The following SLC9A9 variants were observed in gnomAD, a reference collection of about 807,000 sequenced individuals.
The protein encoded by SLC9A9 is solute carrier family 9 member A9.
SLC9A9 carries 62 observed loss-of-function variants against 77.8 expected under a neutral mutation model. That is an observed-to-expected ratio of 0.80 (90% CI 0.65 to 0.98). SLC9A9 has a LOEUF of 0.98. SLC9A9 is among the 50% of genes least tolerant of loss of function. The probability of loss-of-function intolerance (pLI) is 0.00; values close to 1 mark genes in which losing one functional copy is unlikely to be tolerated. For missense variants in SLC9A9, 775 were observed against 774.9 expected (o/e 1.00, Z 0.00); for synonymous variants, 320 against 283.5 (o/e 1.13, Z -1.29).
chr3:143,314,094 C>T (rs76101003), intron 14 of SLC9A9: 24,944 of 152,238 alleles, frequency 0.16, 2,329 homozygotes, highest in Admixed American at 0.24. Flanking sequence ...GATTTTAAGC[C>T]TCTGTCTCCC....
intron 4 of SLC9A9, among the ~76,000 whole-genome samples, chr3:143,751,605 C>T (rs949824798): frequency 3.9e-5 from 6 of 152,116 alleles, no homozygotes; most frequent in Non-Finnish European, 8.8e-5. Context: ...ACTTCCTCTG[C>T]ACCCTCCTAC....
chr3:143,514,030 G>A (rs997843593), intron 9 of SLC9A9, among the ~76,000 whole-genome samples: 2 of 151,980 alleles, frequency 1.3e-5, no homozygotes, highest in African/African-American at 4.8e-5. Flanking sequence ...GGTGTGTGAT[G>A]TTCCCCTTCC....
chr3:143,783,707 G>C (rs1314832221), intron 4 of SLC9A9, among the ~76,000 whole-genome samples: 1 of 152,092 alleles, frequency 6.6e-6, no homozygotes, highest in Non-Finnish European at 1.5e-5. Context: ...TTCAGAATAA[G>C]ATTTACTTCT....
intron 6 of SLC9A9, among the ~76,000 whole-genome samples, chr3:143,613,392 G>A (rs1216738130): frequency 6.6e-6 from 1 of 152,160 alleles, no homozygotes; most frequent in African/African-American, 2.4e-5. Context: ...TATGTTTAAA[G>A]CTCTGGCAAC....
At chr3:143,688,291 T>C (rs1303466957) in intron 5 of SLC9A9, among the ~76,000 whole-genome samples, 1 of 151,892 alleles carries the variant, frequency 6.6e-6, no homozygotes, top group Non-Finnish European at 1.5e-5. Context: ...TCCTGTGTTA[T>C]CTAAACATAA....
chr3:143,727,602 C>T (rs943544973), intron 4 of SLC9A9, among the ~76,000 whole-genome samples: 14 of 152,102 alleles, frequency 9.2e-5, no homozygotes, highest in Non-Finnish European at 1.6e-4. Context: ...CCGAGGGAAA[C>T]GGCTCCTGCC....
At chr3:143,503,603 T>C (rs2035961430) in intron 9 of SLC9A9, 3 of 443,676 alleles carry the variant, frequency 6.8e-6, no homozygotes, top group Admixed American at 2.4e-5. Context: ...AGCTTCCTGG[T>C]TCAGCTCAGG....
chr3:143,769,873 G>T (rs929798008), intron 4 of SLC9A9, among the ~76,000 whole-genome samples: 1 of 152,102 alleles, frequency 6.6e-6, no homozygotes, highest in African/African-American at 2.4e-5. Context: ...ATAGGCCAAG[G>T]GTTGTGTGGA....
intron 2 of SLC9A9, among the ~76,000 whole-genome samples, chr3:143,803,990 A>C (rs1362391083): frequency 6.6e-6 from 1 of 152,048 alleles, no homozygotes; most frequent in Non-Finnish European, 1.5e-5. Context: ...CTTTCTCCTT[A>C]TATTAACTCT....
At chr3:143,644,764 CT>C (rs879419996) in intron 6 of SLC9A9, among the ~76,000 whole-genome samples, 6,426 of 145,870 alleles carry the variant, frequency 0.044, 142 homozygotes, top group Middle Eastern at 0.11. Flanking sequence ...ACAGCCATAA[CT>C]TTTTTTTTTT....
intron 6 of SLC9A9, among the ~76,000 whole-genome samples, chr3:143,583,930 CA>C (rs2108670062): frequency 1.3e-5 from 2 of 152,090 alleles, no homozygotes; most frequent in South Asian, 4.2e-4. Context: ...TTGTTTTGTG[CA>C]GAATGGTGTG....
At chr3:143,413,916 G>A (rs1576480921) in intron 12 of SLC9A9, among the ~76,000 whole-genome samples, 1 of 152,328 alleles carries the variant, frequency 6.6e-6, no homozygotes. Flanking sequence ...CTGGTGAGGG[G>A]CCTGTGCCCC....
intron 11 of SLC9A9, among the ~76,000 whole-genome samples, chr3:143,492,037 A>C (rs959031238): frequency 1.3e-5 from 2 of 152,176 alleles, no homozygotes; most frequent in African/African-American, 4.8e-5. Context: ...TCAAGCCTGT[A>C]ATCCCAGCAC....
At chr3:143,572,009 G>A (rs1280842636) in intron 8 of SLC9A9, among the ~76,000 whole-genome samples, 1 of 152,190 alleles carries the variant, frequency 6.6e-6, no homozygotes, top group Non-Finnish European at 1.5e-5. Flanking sequence ...CTACTCGGGG[G>A]TGAGTCTGCC....
rs1268758360 is a variant in SLC9A9 at position 143,369,862 on chromosome 3, C to T, written c.1525-6299G>A. 3.3e-5 allele frequency among the ~76,000 whole-genome samples: 5 copies of T among 152,040 alleles called. No homozygotes were observed. The South Asian group carries it at 1.0e-3, about 32-fold the overall frequency. On this transcript the variant is annotated intron_variant, in intron 13 of 15. Transcript: ENST00000316549. ...ATGTGCTCTGAGAAAAGTCAGCTGC[C>T]CTGTTGTGAGGACGCTCAAGAAGCT...
intron 4 of SLC9A9, among the ~76,000 whole-genome samples, chr3:143,744,167 T>G (rs1935148465): frequency 6.6e-6 from 1 of 152,194 alleles, no homozygotes. Flanking sequence ...CCCCCCAGCT[T>G]TAAAGAATTT....
intron 12 of SLC9A9, among the ~76,000 whole-genome samples, chr3:143,383,053 C>A (rs1363099027): frequency 2.6e-5 from 4 of 152,230 alleles, no homozygotes; most frequent in Admixed American, 6.5e-5. Context: ...ATAAGCAATG[C>A]ACAGTGTACT....
chr3:143,756,466 G>A (rs1187824306), intron 4 of SLC9A9, among the ~76,000 whole-genome samples: 1 of 152,062 alleles, frequency 6.6e-6, no homozygotes, highest in East Asian at 1.9e-4. Context: ...CACAAACTTT[G>A]GCATCAACAG....
At chr3:143,813,778 A>G (rs1247298180) in intron 2 of SLC9A9, among the ~76,000 whole-genome samples, 2 of 152,184 alleles carry the variant, frequency 1.3e-5, no homozygotes, top group Non-Finnish European at 2.9e-5. Flanking sequence ...ACCCTTCAAG[A>G]TTCTCATATA....
Sources: gnomAD v4.1 joint callset for allele counts (sites outside exome capture counted in the v4.1 genomes callset) on GRCh38, gnomAD v4.1.1 for gene constraint, MANE v1.5 for transcripts, NCBI Gene and HGNC (gene_info 2026-07-23, HGNC 2026-07-21) for gene names.